FAM220A: variants seen among roughly 807,000 people sequenced by gnomAD.
FAM220A encodes the protein protein FAM220A.
For synonymous variants in FAM220A, 141 were observed against 130.7 expected (o/e 1.08, Z -0.54); for missense variants, 392 against 321.6 (o/e 1.22, Z -1.68).
intron 1 of FAM220A, among the ~76,000 whole-genome samples, chr7:6,337,095 AGT>A (rs967679095): frequency 6.7e-6 from 1 of 148,362 alleles, no homozygotes; most frequent in Non-Finnish European, 1.5e-5. Flanking sequence ...TTGAGACAAG[AGT>A]CTCTCTCTGT....
chr7:6,332,655 G>C (rs889422681), intron 1 of FAM220A, among the ~76,000 whole-genome samples: 2 of 151,724 alleles, frequency 1.3e-5, no homozygotes, highest in Non-Finnish European at 2.9e-5. Flanking sequence ...CTGAGATCGA[G>C]TCACTCTGCC....
intron 1 of FAM220A, among the ~76,000 whole-genome samples, chr7:6,345,583 A>G (rs1317952707): frequency 2.0e-5 from 3 of 152,092 alleles, no homozygotes; most frequent in Non-Finnish European, 2.9e-5. Flanking sequence ...GAGCATACCA[A>G]TTTTCACCAA....
chr7:6,347,842 C>A (rs147113348), intron 1 of FAM220A, among the ~76,000 whole-genome samples: 1 of 150,400 alleles, frequency 6.6e-6, no homozygotes, highest in African/African-American at 2.4e-5. Flanking sequence ...TCTCTTGAGG[C>A]CAGGAGTTCG....
At chr7:6,344,383 T>C (rs764399687) in intron 1 of FAM220A, among the ~76,000 whole-genome samples, 15 of 152,198 alleles carry the variant, frequency 9.9e-5, no homozygotes, top group Non-Finnish European at 1.9e-4. Flanking sequence ...GTGACATGGC[T>C]GCTTGTTGCA....
chr7:6,336,172 CA>C (rs113753233), intron 1 of FAM220A, among the ~76,000 whole-genome samples: 1,406 of 131,778 alleles, frequency 0.011, 14 homozygotes, highest in Middle Eastern at 0.025. Flanking sequence ...GATTTTGCCT[CA>C]AAAAAAAAAA....
rs1171759549 is a variant in FAM220A at position 6,330,672 on chromosome 7, C to T, written c.483G>A (p.Val161=). The T allele has an allele frequency of 6.2e-7, 1 of 1,613,968 alleles. No individual in the cohort carries two copies. Among genetic ancestry groups the T allele is most frequent in the Non-Finnish European group, 8.5e-7 (1 of 1,180,026 alleles). ...RVSRLPRHQK[V]PEMGSFQDDP... ...CATCCTGAAAACTTCCCATTTCCGG[C>T]ACTTTTTGATGGCGTGGCAGTCGTG... Residue 161 remains valine, a synonymous_variant, in exon 2 of 2, where the codon GTG becomes GTA. Transcript: ENST00000313324.
intron 1 of FAM220A, among the ~76,000 whole-genome samples, chr7:6,345,930 G>A (rs1361907423): frequency 4.0e-5 from 6 of 151,832 alleles, no homozygotes. Context: ...CATCACACCT[G>A]CCTAATTTTT....
chr7:6,343,034 C>T lies in FAM220A; in HGVS notation c.-82+5539G>A, dbSNP rs144673643. 0.011 allele frequency among the ~76,000 whole-genome samples: 1,190 copies of T among 110,432 alleles called. 12 individuals are homozygous for T. In the East Asian group the frequency reaches 0.17, roughly 16 times the overall value. 72.4% of individuals were successfully genotyped at this position (110,432 alleles called of 152,430 possible). On this transcript the variant is annotated intron_variant, in intron 1 of 1. Transcript: ENST00000313324. ...CCTGGATGACAGAGGAAGACGCTTT[C>T]TCAAAAAAAAAAAAGAAAAAAGAAA...
rs1187581447 is a variant in FAM220A at position 6,332,045 on chromosome 7, G to C, written c.-81-810C>G. Among the ~76,000 whole-genome samples the C allele has an allele frequency of 2.6e-5, 4 of 151,258 alleles. No homozygotes were observed. In the East Asian group the frequency reaches 7.9e-4, roughly 30 times the overall value. On this transcript the variant is annotated intron_variant, in intron 1 of 1. Coordinates refer to ENST00000313324, the MANE Select transcript of FAM220A (RefSeq NM_001037163.2). ...GAGAATCGCTTGAACCCAGGAGGTG[G>C]AAGTAGCTGTGAGCCGAGATCATGC...
At chr7:6,338,557 T>C (rs1781790625) in intron 1 of FAM220A, 1 of 152,178 alleles carries the variant, frequency 6.6e-6, no homozygotes, top group Non-Finnish European at 1.5e-5. Context: ...TGACAAAAGC[T>C]GAACACAAAG....
intron 1 of FAM220A, among the ~76,000 whole-genome samples, chr7:6,343,647 G>C (rs538530483): frequency 4.7e-4 from 72 of 151,890 alleles, no homozygotes; most frequent in African/African-American, 1.6e-3. Context: ...AACTCCAGGA[G>C]ATTAAGGCTT....
Position 6,348,680 on chromosome 7 carries a change from C to T in FAM220A, c.-189G>A, listed in dbSNP as rs1011365513. The T allele has an allele frequency of 1.4e-5, 7 of 489,428 alleles. No individual in the cohort carries two copies. The Middle Eastern group carries it at 1.6e-3, about 110-fold the overall frequency. 30.3% of individuals were successfully genotyped at this position (489,428 alleles called of 1,614,324 possible). A position where few individuals can be genotyped will look rare whatever the true frequency, so the allele number is the denominator to read the frequency against. ...AAGATGAGCAGCGTGCGAGTCAGCC[C>T]CTTGCAGAAGACCCCATAGGAGCGG... On this transcript the variant is annotated 5_prime_UTR_variant, in exon 1 of 2. Coordinates refer to ENST00000313324, the MANE Select transcript of FAM220A (RefSeq NM_001037163.2).
chr7:6,331,738 C>CT (rs376255551), intron 1 of FAM220A, among the ~76,000 whole-genome samples: 1,288 of 117,708 alleles, frequency 0.011, 15 homozygotes, highest in Non-Finnish European at 0.014. Flanking sequence ...ATAATAGAGG[C>CT]TTTTTTTTTT....
intron 1 of FAM220A, among the ~76,000 whole-genome samples, chr7:6,346,204 G>A (rs549852764): frequency 8.9e-4 from 135 of 152,166 alleles, no homozygotes; most frequent in Middle Eastern, 3.4e-3. Context: ...AGGCCTTCTC[G>A]TTTACCAGTC....
At chr7:6,348,453 T>C (rs1781997940) in intron 1 of FAM220A, 120 bp downstream of exon 1, 1 of 397,542 alleles carries the variant, frequency 2.5e-6, no homozygotes, top group African/African-American at 2.1e-5. Context: ...CACGGGAAAA[T>C]GCACGGTGCT....
At chr7:6,348,232 A>AGGG (rs11408091) in intron 1 of FAM220A, among the ~76,000 whole-genome samples, 21,482 of 144,412 alleles carry the variant, frequency 0.15, 1,642 homozygotes, top group East Asian at 0.21. Context: ...ATTAAAAATA[A>AGGG]GGGGGGGGGT....
chr7:6,341,494 C>T (rs1188198237), intron 1 of FAM220A, among the ~76,000 whole-genome samples: 1 of 148,100 alleles, frequency 6.8e-6, no homozygotes, highest in African/African-American at 2.5e-5. Context: ...GTCATCCTGG[C>T]TAACGTGGTG....
At position 6,330,742 on chromosome 7, in the gene FAM220A, G is replaced by C. The variant is rs1405924803; in HGVS notation, c.413C>G (p.Thr138Ser). The C allele has an allele frequency of 8.7e-6, 14 of 1,614,042 alleles. No homozygotes were observed. Among genetic ancestry groups the C allele is most frequent in the East Asian group, 2.2e-5 (1 of 44,892 alleles). ...GGGGCACTGTCCTCTGTGGCCGTCA[G>C]TGGCCCTGGGCCCTCCTCCCAGCCA... Reference protein sequence around the residue: ...RDWLGGGPRATDGHRGQCPKG... With the variant: ...RDWLGGGPRASDGHRGQCPKG... Residue 138 changes from threonine to serine, a missense_variant, in exon 2 of 2, where the codon ACT becomes AGT. Coordinates refer to ENST00000313324, the MANE Select transcript of FAM220A (RefSeq NM_001037163.2).
intron 1 of FAM220A, among the ~76,000 whole-genome samples, chr7:6,331,715 C>A (rs1157535007): frequency 6.6e-6 from 1 of 150,404 alleles, no homozygotes; most frequent in Non-Finnish European, 1.5e-5. Flanking sequence ...GTTCCCCACC[C>A]TCAAATTAGC....
Sources: allele counts gnomAD v4.1 joint callset (sites outside exome capture counted in the v4.1 genomes callset), GRCh38; gene constraint gnomAD v4.1.1; transcripts MANE v1.5; gene names NCBI Gene and HGNC (gene_info 2026-07-23, HGNC 2026-07-21).